The following WSB2 variants were observed in gnomAD, a reference collection of about 807,000 sequenced individuals.
The protein encoded by WSB2 is WD repeat and SOCS box containing 2.
Under a neutral mutation model 48.8 loss-of-function variants are expected in WSB2, and 12 were observed. The observed-to-expected ratio is 0.25, with a 90% CI of 0.16 to 0.40. The LOEUF (loss-of-function observed/expected upper bound fraction) is 0.40. WSB2 is among the 10% of genes least tolerant of loss of function. The probability of loss-of-function intolerance (pLI) is 1.00; values close to 1 mark genes in which losing one functional copy is unlikely to be tolerated. For missense variants in WSB2, 317 were observed against 506.2 expected (o/e 0.63, Z 3.59); for synonymous variants, 191 against 203.1 (o/e 0.94, Z 0.51).
chr12:118,061,239 G>C (rs1213759617), upstream of WSB2: 9 of 963,058 alleles, frequency 9.3e-6, no homozygotes, highest in Non-Finnish European at 1.1e-5. Context: ...AGGGGAAACG[G>C]AGGGGGGGTG....
chr12:118,055,133 A>C (rs1331932978), intron 1 of WSB2, among the ~76,000 whole-genome samples: 1 of 152,160 alleles, frequency 6.6e-6, no homozygotes, highest in Non-Finnish European at 1.5e-5. Flanking sequence ...TGTATGTGTG[A>C]CAGTTTCATT....
In WSB2 at chr12:118,060,913, C is replaced by A; in HGVS notation, c.13+123G>T. On this transcript the variant is annotated intron_variant, in intron 1 of 8. Coordinates refer to ENST00000315436, the MANE Select transcript of WSB2 (RefSeq NM_018639.5). This position sits in a 1 kb window ranked among gnomAD's most constrained non-coding sequence, Gnocchi z 4.1. The stretch of plus-strand genomic sequence containing the variant: ...CCGCGCGGACCTCCCAGGCCGGACG[C>A]CCCCGCCGCGTCCAGCCCCCGCCCC... 1 of 390,642 alleles carries A rather than the reference C, an allele frequency of 2.6e-6. No individual in the cohort carries two copies. Among genetic ancestry groups the A allele is most frequent in the Non-Finnish European group, 3.5e-6 (1 of 286,550 alleles). The allele number at this position is 390,642 out of a possible 1,614,324, so 24.2% of individuals were successfully genotyped here.
intron 4 of WSB2, chr12:118,042,555 C>T (rs1441351432): frequency 1.9e-5 from 6 of 314,948 alleles, no homozygotes; most frequent in Non-Finnish European, 2.9e-5. Context: ...ACATACAAAG[C>T]ATAGACATGC....
chr12:118,046,324 C>T (rs2031744669), intron 2 of WSB2, among the ~76,000 whole-genome samples: 1 of 151,846 alleles, frequency 6.6e-6, no homozygotes, highest in South Asian at 2.1e-4. Flanking sequence ...CTAGCCAGGC[C>T]TGGTGGGGGG....
chr12:118,054,158 G>A (rs2031906078), intron 1 of WSB2, among the ~76,000 whole-genome samples: 1 of 145,032 alleles, frequency 6.9e-6, no homozygotes, highest in African/African-American at 2.6e-5. Flanking sequence ...GATCACTTGA[G>A]GACAGGAGTT....
chr12:118,051,776 C>A (rs986430228), intron 2 of WSB2, among the ~76,000 whole-genome samples: 6 of 152,206 alleles, frequency 3.9e-5, no homozygotes, highest in African/African-American at 1.4e-4. Flanking sequence ...GAGTTTGAGA[C>A]CAGCCTGGCC....
intron 6 of WSB2, chr12:118,035,831 T>C (rs1204144547): frequency 1.2e-5 from 2 of 163,786 alleles, no homozygotes; most frequent in East Asian, 1.8e-4. Context: ...TCCGAAGAAG[T>C]ACACACAGCC....
At chr12:118,036,062 C>G (rs2031502479) in intron 6 of WSB2, 1 of 231,908 alleles carries the variant, frequency 4.3e-6, no homozygotes, top group Non-Finnish European at 8.4e-6. Context: ...ATTAGCCAGG[C>G]CTGGTGGCGC....
chr12:118,056,060 G>A (rs1365117232), intron 1 of WSB2, among the ~76,000 whole-genome samples: 1 of 151,980 alleles, frequency 6.6e-6, no homozygotes, highest in Non-Finnish European at 1.5e-5. Context: ...CAACCTTCCA[G>A]CTGCTCTCCC....
chr12:118,052,160 A>G (rs573711771), intron 2 of WSB2, 150 bp downstream of exon 2: 1 of 1,144,896 alleles, frequency 8.7e-7, no homozygotes, highest in African/African-American at 1.6e-5. Context: ...ACTTTCACAT[A>G]TACAGAACTT....
At chr12:118,057,064 C>A (rs1176307794) in intron 1 of WSB2, among the ~76,000 whole-genome samples, 2 of 152,104 alleles carry the variant, frequency 1.3e-5, no homozygotes, top group Non-Finnish European at 2.9e-5. Context: ...AATCCAGGAG[C>A]TAAAAGAAGA....
chr12:118,050,003 G>C (rs2031819274), intron 2 of WSB2, among the ~76,000 whole-genome samples: 1 of 152,164 alleles, frequency 6.6e-6, no homozygotes, highest in Non-Finnish European at 1.5e-5. Context: ...ATGTAACCAA[G>C]GCTGGCCAAC....
At chr12:118,049,260 T>C (rs1311757903) in intron 2 of WSB2, among the ~76,000 whole-genome samples, 1 of 152,200 alleles carries the variant, frequency 6.6e-6, no homozygotes, top group African/African-American at 2.4e-5. Flanking sequence ...CAAAATTTGA[T>C]GGCTGCAAAA....
At chr12:118,052,282 G>C (rs770136073) in intron 2 of WSB2, 28 bp downstream of exon 2, 2 of 1,606,810 alleles carry the variant, frequency 1.2e-6, no homozygotes, top group African/African-American at 1.3e-5. Flanking sequence ...AAATGCGCCG[G>C]ATGGGGCCCC....
intron 8 of WSB2, 177 bp from the exon 9 acceptor site, chr12:118,034,535 T>C (rs752372017): frequency 5.7e-6 from 4 of 705,534 alleles, no homozygotes; most frequent in Non-Finnish European, 4.4e-6. Context: ...AAGCTGCTGA[T>C]AGGATTAGAA....
intron 4 of WSB2, among the ~76,000 whole-genome samples, chr12:118,041,345 A>C (rs1593465300): frequency 6.6e-6 from 1 of 152,172 alleles, no homozygotes; most frequent in Admixed American, 6.5e-5. Flanking sequence ...GGCTGTTTAC[A>C]AGCCAGGCAG....
rs368886729 is a variant in WSB2, at chr12:118,041,128, T to C, written c.559+1713A>G. Reference sequence around the variant, plus strand: ...CCTTCAGATGAGGATGCATGTGCACTGCCTTAGTTTGTCTGACAAGTTGCT... The same window carrying C: ...CCTTCAGATGAGGATGCATGTGCACCGCCTTAGTTTGTCTGACAAGTTGCT... On this transcript the variant is annotated intron_variant, in intron 4 of 8. Coordinates refer to ENST00000315436, the MANE Select transcript of WSB2 (RefSeq NM_018639.5). Among the ~76,000 whole-genome samples the C allele has an allele frequency of 2.1e-4, 32 of 152,324 alleles. No homozygotes were observed. The South Asian group carries it at 6.4e-3, about 31-fold the overall frequency.
Position 118,043,387 on chromosome 12 carries a change from G to A in WSB2, c.183-10C>T. ...AAACCCTTTAGGGATGCTGGGAGAA[G>A]CAGAGATTTCTTAATGAATCTGCAA... is the stretch of plus-strand genomic sequence containing the variant. On this transcript the variant is annotated splice_polypyrimidine_tract_variant and intron_variant, in intron 2 of 8. Coordinates refer to ENST00000315436, the MANE Select transcript of WSB2 (RefSeq NM_018639.5). 1 of 1,528,194 alleles carries A rather than the reference G, an allele frequency of 6.5e-7. No individual in the cohort carries two copies. Among genetic ancestry groups the A allele is most frequent in the Non-Finnish European group, 8.8e-7 (1 of 1,140,984 alleles). 94.7% of individuals were successfully genotyped at this position (1,528,194 alleles called of 1,614,324 possible). A position where few individuals can be genotyped will look rare whatever the true frequency, so the allele number is the denominator to read the frequency against.
intron 4 of WSB2, among the ~76,000 whole-genome samples, chr12:118,041,737 C>A (rs1182726312): frequency 6.6e-6 from 1 of 150,398 alleles, no homozygotes; most frequent in Non-Finnish European, 1.5e-5. Flanking sequence ...AAATTCCCCT[C>A]TCTTATGTCA....
Sources: gnomAD v4.1 joint callset for allele counts (sites outside exome capture counted in the v4.1 genomes callset) on GRCh38, gnomAD v4.1.1 for gene constraint, Gnocchi (gnomAD v3.1) non-coding constraint, MANE v1.5 for transcripts, NCBI Gene and HGNC (gene_info 2026-07-23, HGNC 2026-07-21) for gene names.